PCDHA7: variants seen among roughly 807,000 people sequenced by gnomAD.
PCDHA7 encodes protocadherin alpha-7.
In PCDHA7, 37 loss-of-function variants were observed where a neutral mutation model predicts 57.2. The ratio of observed to expected loss-of-function variants is 0.65; its 90% CI spans 0.50 to 0.85. The LOEUF is 0.85. Ranked by LOEUF, PCDHA7 falls within the 40% of genes least tolerant of loss-of-function variation. The pLI is 0.00. For synonymous variants in PCDHA7, 553 were observed against 558.8 expected, an observed-to-expected ratio of 0.99 and a Z score of 0.15; for missense variants, 1,188 against 1,241.8, an observed-to-expected ratio of 0.96 and a Z score of 0.65.
chr5:140,985,084 T>A (rs2097135513), intron 3 of PCDHA7, among the ~76,000 whole-genome samples: 1 of 151,986 alleles, frequency 6.6e-6, no homozygotes. Context: ...ACTACAGGCG[T>A]GTGCCACCAA....
At position 140,850,957 on chromosome 5, in the gene PCDHA7, CA is replaced by C; in HGVS notation, c.2355+14220del. On this transcript the variant is annotated intron_variant, in intron 1 of 3. Transcript: ENST00000525929. ...CTTGAAAGATATTATCGATTACTCCCAGGGGCCGTTCAAATAGTTTTATTCA... is the reference window on the plus strand; with the variant it reads ...CTTGAAAGATATTATCGATTACTCCCGGGGCCGTTCAAATAGTTTTATTCA... The C allele has an allele frequency of 1.1e-5, 17 of 1,481,512 alleles. 4 individuals are homozygous for C. The highest frequency in any genetic ancestry group is 1.5e-5 in the Non-Finnish European group (17 of 1,106,408). The allele number at this position is 1,481,512 out of a possible 1,614,324, so 91.8% of individuals were successfully genotyped here. A position where few individuals can be genotyped will look rare whatever the true frequency, so the allele number is the denominator to read the frequency against.
chr5:140,861,018 C>T (rs1263823889), intron 1 of PCDHA7: 1 of 152,248 alleles, frequency 6.6e-6, no homozygotes, highest in South Asian at 2.1e-4. Context: ...CGAGTGCCAC[C>T]GCACCCGGCC....
chr5:140,985,716 A>G (rs960879186), intron 3 of PCDHA7, among the ~76,000 whole-genome samples: 7 of 113,758 alleles, frequency 6.2e-5, no homozygotes, highest in Admixed American at 2.6e-4. Flanking sequence ...TCTTAAAGTT[A>G]TTTTTCCTTC....
chr5:140,969,404 G>A (rs1345885868), intron 1 of PCDHA7: 2 of 1,577,250 alleles, frequency 1.3e-6, no homozygotes, highest in Admixed American at 1.9e-5. Context: ...CTGTGATTTG[G>A]CTTTATTGAG....
At chr5:140,954,919 C>A (rs246021) in intron 1 of PCDHA7, among the ~76,000 whole-genome samples, 85,722 of 151,952 alleles carry the variant, frequency 0.56, 24,790 homozygotes, top group African/African-American at 0.69. Flanking sequence ...TTATGAATTA[C>A]GTCTTTAATT....
intron 1 of PCDHA7, among the ~76,000 whole-genome samples, chr5:140,907,353 A>C (rs1312030991): frequency 3.3e-5 from 5 of 152,234 alleles, no homozygotes; most frequent in Non-Finnish European, 7.3e-5. Flanking sequence ...CCGCTGCTGC[A>C]CTTCTTTAGT....
At chr5:140,871,249 C>T (rs782675743) in intron 1 of PCDHA7, 1 of 1,613,984 alleles carries the variant, frequency 6.2e-7, no homozygotes, top group Non-Finnish European at 8.5e-7. Context: ...CACGCTGCTG[C>T]TGTATACGGC....
chr5:140,916,142 T>C (rs868910993), intron 1 of PCDHA7, among the ~76,000 whole-genome samples: 2 of 151,944 alleles, frequency 1.3e-5, no homozygotes, highest in African/African-American at 4.8e-5. Context: ...GGCTGTTCAG[T>C]TGTGTTGTGG....
At chr5:140,861,327 T>C (rs1363614329) in intron 1 of PCDHA7, 2 of 243,212 alleles carry the variant, frequency 8.2e-6, no homozygotes, top group Middle Eastern at 1.5e-3. Flanking sequence ...CACTACACCA[T>C]CCTGGAAGAG....
intron 1 of PCDHA7, among the ~76,000 whole-genome samples, chr5:140,907,337 A>G (rs2073315694): frequency 6.6e-6 from 1 of 152,210 alleles, no homozygotes; most frequent in Non-Finnish European, 1.5e-5. Flanking sequence ...TTCCATATGC[A>G]TGAGCCCGCT....
chr5:140,898,321 G>T (rs370229202), intron 1 of PCDHA7, among the ~76,000 whole-genome samples: 1 of 151,946 alleles, frequency 6.6e-6, no homozygotes. Context: ...TTATGGTTTT[G>T]GGTCTAACGT....
intron 1 of PCDHA7, 41 bp from the exon 2 acceptor site, chr5:140,978,908 T>C: frequency 6.2e-7 from 1 of 1,613,772 alleles, no homozygotes; most frequent in Non-Finnish European, 8.5e-7. Context: ...GAGAACATTG[T>C]CTTGTCATTT....
chr5:140,863,250 C>T, intron 1 of PCDHA7: 1 of 1,410,418 alleles, frequency 7.1e-7, no homozygotes, highest in Non-Finnish European at 9.7e-7. Context: ...TGGCGGGCGT[C>T]GAGGTCCGGG....
chr5:140,955,726 C>T (rs934215613), intron 1 of PCDHA7, among the ~76,000 whole-genome samples: 1 of 152,264 alleles, frequency 6.6e-6, no homozygotes, highest in East Asian at 1.9e-4. Context: ...ACCATTGAAT[C>T]TATAAATTAC....
intron 1 of PCDHA7, among the ~76,000 whole-genome samples, chr5:140,916,773 A>G (rs1584011849): frequency 6.6e-6 from 1 of 151,502 alleles, no homozygotes; most frequent in South Asian, 2.1e-4. Context: ...TGGCACAAGC[A>G]CTCCCTTAGC....
At position 140,843,615 on chromosome 5, in the gene PCDHA7, C is replaced by G. The variant is rs111750019; in HGVS notation, c.2355+6877C>G. ...AGGGTGTGCTCTGGTGAGGGGCCAC[C>G]GAAGACGGACCTCATGGCCTTCAGC... On this transcript the variant is annotated intron_variant, in intron 1 of 3. Coordinates refer to ENST00000525929, the MANE Select transcript of PCDHA7 (RefSeq NM_018910.3). The G allele has an allele frequency of 2.1e-5, 33 of 1,595,902 alleles. 4 individuals are homozygous for G. Among genetic ancestry groups the G allele is most frequent in the Middle Eastern group, 3.3e-4 (2 of 6,016 alleles).
At chr5:140,850,986 T>A in intron 1 of PCDHA7, 1 of 1,450,124 alleles carries the variant, frequency 6.9e-7, no homozygotes, top group Non-Finnish European at 9.1e-7. Flanking sequence ...TTTATTCATT[T>A]TTCTAGAAAT....
chr5:140,928,843 A>T (rs782153694), intron 1 of PCDHA7: 3 of 1,614,018 alleles, frequency 1.9e-6, no homozygotes, highest in Non-Finnish European at 2.5e-6. Flanking sequence ...CTCCTCTGTC[A>T]CTCTGGGTGT....
chr5:140,986,173 C>G (rs1459755039), intron 3 of PCDHA7, among the ~76,000 whole-genome samples: 1 of 152,202 alleles, frequency 6.6e-6, no homozygotes, highest in Non-Finnish European at 1.5e-5. Flanking sequence ...GCAGGATAAA[C>G]AAGTCAGGCA....
Sources: allele counts gnomAD v4.1 joint callset (sites outside exome capture counted in the v4.1 genomes callset), GRCh38; gene constraint gnomAD v4.1.1; transcripts MANE v1.5; gene names NCBI Gene and HGNC (gene_info 2026-07-23, HGNC 2026-07-21).